Variants in MDGA2 observed in about 807,000 individuals in gnomAD.
MDGA2 encodes the protein MAM domain-containing glycosylphosphatidylinositol anchor protein 2.
MDGA2 carries 40 observed loss-of-function variants against 117.8 expected under a neutral mutation model. The ratio of observed to expected loss-of-function variants is 0.34; its 90% CI spans 0.26 to 0.44. The LOEUF is 0.44. Ranked by LOEUF, MDGA2 falls within the 20% of genes least tolerant of loss-of-function variation. MDGA2 has a pLI of 1.00. For synonymous variants in MDGA2, 452 were observed against 439.0 expected, an observed-to-expected ratio of 1.03 and a Z score of -0.37; for missense variants, 1,123 against 1,250.6, an observed-to-expected ratio of 0.90 and a Z score of 1.54.
At chr14:47,059,602 A>G (rs1889809560) in intron 7 of MDGA2, among the ~76,000 whole-genome samples, 1 of 152,082 alleles carries the variant, frequency 6.6e-6, no homozygotes, top group South Asian at 2.1e-4. Flanking sequence ...AGCCCTGTAT[A>G]TAATGCTGCT....
chr14:47,498,510 T>G (rs1352557054), intron 1 of MDGA2, among the ~76,000 whole-genome samples: 1 of 152,184 alleles, frequency 6.6e-6, no homozygotes, highest in Non-Finnish European at 1.5e-5. Flanking sequence ...TGTTAGTATA[T>G]ACATGTGCTC....
In MDGA2 at chr14:47,243,803, A is replaced by G. The variant is rs553635331; in HGVS notation, c.421-25608T>C. Among the ~76,000 whole-genome samples the G allele has an allele frequency of 2.0e-4, 31 of 151,912 alleles. 2 individuals carry two copies. Among genetic ancestry groups the G allele is most frequent in the Non-Finnish European group, 3.7e-4 (25 of 67,790 alleles). On this transcript the variant is annotated intron_variant, in intron 2 of 16. Transcript: ENST00000399232. ...GAGACCAAGAACCCACCAATTCCGG[A>G]CACAAAACCAAACGCTCCAACAATT...
chr14:47,020,651 T>G (rs983584823), intron 8 of MDGA2, among the ~76,000 whole-genome samples: 1 of 152,156 alleles, frequency 6.6e-6, no homozygotes, highest in Non-Finnish European at 1.5e-5. Context: ...AATAATCATA[T>G]TTTCCCAAGA....
At chr14:47,645,060 C>T (rs965280838) in intron 1 of MDGA2, among the ~76,000 whole-genome samples, 14 of 152,102 alleles carry the variant, frequency 9.2e-5, no homozygotes, top group Admixed American at 2.6e-4. Context: ...CATAGCCCTA[C>T]AGACAGACTG....
chr14:47,464,206 G>A (rs1282095074), intron 1 of MDGA2, among the ~76,000 whole-genome samples: 2 of 151,402 alleles, frequency 1.3e-5, no homozygotes, highest in African/African-American at 2.4e-5. Context: ...GACCTGAGAT[G>A]GACCAAAGGT....
At chr14:47,558,228 T>C (rs1017188586) in intron 1 of MDGA2, among the ~76,000 whole-genome samples, 3 of 152,196 alleles carry the variant, frequency 2.0e-5, no homozygotes, top group Non-Finnish European at 2.9e-5. Flanking sequence ...ATAACATTAC[T>C]CTTCAAACAG....
chr14:47,136,109 C>G (rs767438865), intron 4 of MDGA2, among the ~76,000 whole-genome samples: 1 of 151,962 alleles, frequency 6.6e-6, no homozygotes, highest in Non-Finnish European at 1.5e-5. Flanking sequence ...TTCCACCAAC[C>G]CTAATTCTCC....
At chr14:46,845,072 A>G (rs1301950861) in intron 16 of MDGA2, among the ~76,000 whole-genome samples, 7 of 152,072 alleles carry the variant, frequency 4.6e-5, no homozygotes, top group Admixed American at 4.6e-4. Flanking sequence ...TTAAATAGAG[A>G]CGGGGTTTCA....
intron 2 of MDGA2, among the ~76,000 whole-genome samples, chr14:47,254,232 C>A (rs1160870518): frequency 6.6e-6 from 1 of 152,248 alleles, no homozygotes; most frequent in Non-Finnish European, 1.5e-5. Context: ...ATGCAAATTT[C>A]TGCAGCTGGC....
intron 1 of MDGA2, among the ~76,000 whole-genome samples, chr14:47,493,668 CA>C (rs1894219971): frequency 6.6e-6 from 1 of 151,984 alleles, no homozygotes; most frequent in African/African-American, 2.4e-5. Context: ...TATTATTTCC[CA>C]AAAAGTAACT....
chr14:47,261,638 T>C (rs1470466943), intron 2 of MDGA2, among the ~76,000 whole-genome samples: 1 of 152,066 alleles, frequency 6.6e-6, no homozygotes, highest in Non-Finnish European at 1.5e-5. Context: ...TAGGAAGAAA[T>C]CTCACTTCAA....
chr14:47,089,204 T>C (rs190956167), intron 6 of MDGA2, among the ~76,000 whole-genome samples: 8 of 152,216 alleles, frequency 5.3e-5, no homozygotes, highest in Admixed American at 3.9e-4. Context: ...AGTTCAAATA[T>C]TTGGGAGAAA....
intron 10 of MDGA2, among the ~76,000 whole-genome samples, chr14:46,885,279 C>T (rs1456121839): frequency 6.6e-6 from 1 of 151,994 alleles, no homozygotes; most frequent in Non-Finnish European, 1.5e-5. Context: ...TCAGTATTCA[C>T]CATTAAACAG....
intron 2 of MDGA2, among the ~76,000 whole-genome samples, chr14:47,288,797 TTTC>T (rs1276865765): frequency 6.7e-6 from 1 of 150,344 alleles, no homozygotes; most frequent in Non-Finnish European, 1.5e-5. Flanking sequence ...TAATAACTGT[TTTC>T]TTATTTTTCG....
intron 9 of MDGA2, among the ~76,000 whole-genome samples, chr14:46,949,742 TAA>T (rs1304210337): frequency 5.9e-5 from 9 of 151,994 alleles, no homozygotes; most frequent in Admixed American, 2.6e-4. Flanking sequence ...ATTTTTTAAT[TAA>T]GTCACCTATT....
At chr14:47,479,730 C>T (rs969373177) in intron 1 of MDGA2, among the ~76,000 whole-genome samples, 2 of 151,712 alleles carry the variant, frequency 1.3e-5, no homozygotes, top group Admixed American at 1.3e-4. Context: ...GGTAATCATT[C>T]AATATCTGAT....
chr14:46,919,597 C>A (rs187211819), intron 10 of MDGA2, among the ~76,000 whole-genome samples: 62 of 152,304 alleles, frequency 4.1e-4, no homozygotes, highest in African/African-American at 1.4e-3. Flanking sequence ...ATGTCTTGAA[C>A]CCCTAAAGCA....
intron 1 of MDGA2, among the ~76,000 whole-genome samples, chr14:47,544,939 C>G (rs1384921795): frequency 2.0e-5 from 3 of 152,154 alleles, no homozygotes. Flanking sequence ...TAAATTTAAT[C>G]TAATTTACTA....
At chr14:47,068,593 G>C (rs1343430053) in intron 6 of MDGA2, among the ~76,000 whole-genome samples, 1 of 151,408 alleles carries the variant, frequency 6.6e-6, no homozygotes, top group African/African-American at 2.4e-5. Context: ...AAAATTAGTG[G>C]GTATTTTGAG....
Sources: gnomAD v4.1 joint callset for allele counts (sites outside exome capture counted in the v4.1 genomes callset) on GRCh38, gnomAD v4.1.1 for gene constraint, MANE v1.5 for transcripts, NCBI Gene and HGNC (gene_info 2026-07-23, HGNC 2026-07-21) for gene names.